The following SPECC1 variants were observed in gnomAD, a reference collection of about 807,000 sequenced individuals.
The protein encoded by SPECC1 is sperm antigen with calponin homology and coiled-coil domains 1, also known as cytospin-B.
In SPECC1, 62 loss-of-function variants were observed where a neutral mutation model predicts 104.1. That is an observed-to-expected ratio of 0.60 (90% confidence interval 0.49 to 0.74). The LOEUF is 0.74. Ranked by LOEUF, SPECC1 falls within the 30% of genes least tolerant of loss-of-function variation. SPECC1 has a pLI of 0.00. For synonymous variants in SPECC1, 513 were observed against 501.6 expected (o/e 1.02, Z -0.30); for missense variants, 1,306 against 1,310.5 (o/e 1.00, Z 0.05).
At chr17:20,228,386 G>C (rs937585137) in intron 5 of SPECC1, among the ~76,000 whole-genome samples, 1 of 152,174 alleles carries the variant, frequency 6.6e-6, no homozygotes, top group Non-Finnish European at 1.5e-5. Context: ...GATGTGTTTT[G>C]TGTGAGCCAT....
intron 12 of SPECC1, among the ~76,000 whole-genome samples, chr17:20,271,579 A>T (rs1002573041): frequency 6.6e-6 from 1 of 152,114 alleles, no homozygotes; most frequent in Non-Finnish European, 1.5e-5. Flanking sequence ...TCTTCATGAG[A>T]TATCCCCACA....
intron 3 of SPECC1, among the ~76,000 whole-genome samples, chr17:20,198,941 A>G (rs1161067587): frequency 1.3e-5 from 2 of 152,044 alleles, no homozygotes; most frequent in South Asian, 2.1e-4. Context: ...AATGTATTCT[A>G]CCTCTGTGAT....
At chr17:20,156,290 G>A in intron 3 of SPECC1, 2 of 1,310,906 alleles carry the variant, frequency 1.5e-6, no homozygotes, top group Non-Finnish European at 2.0e-6. Context: ...CCCCCCTCCA[G>A]GCGCCCTTCC....
intron 12 of SPECC1, among the ~76,000 whole-genome samples, chr17:20,262,385 T>C (rs1160508772): frequency 6.6e-6 from 1 of 152,222 alleles, no homozygotes; most frequent in Non-Finnish European, 1.5e-5. Context: ...AACAGATGAC[T>C]GAAGTAATTG....
chr17:20,238,648 A>G (rs1308034532), intron 7 of SPECC1: 2 of 1,039,942 alleles, frequency 1.9e-6, no homozygotes, highest in African/African-American at 3.4e-5. Flanking sequence ...ATTTACTTAG[A>G]TACTTGTGAA....
chr17:20,219,349 T>C (rs544007466), intron 4 of SPECC1, among the ~76,000 whole-genome samples: 32 of 152,224 alleles, frequency 2.1e-4, no homozygotes, highest in Non-Finnish European at 4.3e-4. Context: ...TCATGACTTT[T>C]GGATAAAAGC....
At chr17:20,197,799 G>A (rs143362155) in intron 3 of SPECC1, among the ~76,000 whole-genome samples, 8 of 152,264 alleles carry the variant, frequency 5.3e-5, no homozygotes, top group African/African-American at 1.9e-4. Flanking sequence ...GGTATTCTAA[G>A]CCCGTGTTTT....
intron 3 of SPECC1, among the ~76,000 whole-genome samples, chr17:20,152,127 C>T (rs2032059157): frequency 6.6e-6 from 1 of 151,774 alleles, no homozygotes; most frequent in Admixed American, 6.6e-5. Context: ...ATGGTGAAAC[C>T]CCATCTCTAC....
intron 3 of SPECC1, among the ~76,000 whole-genome samples, chr17:20,138,528 C>T (rs2030323789): frequency 6.6e-6 from 1 of 152,136 alleles, no homozygotes; most frequent in South Asian, 2.1e-4. Context: ...GCCCGTTCAT[C>T]CCTCCCTCAT....
intron 4 of SPECC1, among the ~76,000 whole-genome samples, chr17:20,216,414 G>A (rs931757541): frequency 6.6e-6 from 1 of 152,196 alleles, no homozygotes; most frequent in Non-Finnish European, 1.5e-5. Context: ...GGAGAGGATG[G>A]CAAGTAGCAT....
chr17:20,155,949 C>G (rs1338689353), intron 3 of SPECC1: 8 of 1,247,648 alleles, frequency 6.4e-6, no homozygotes, highest in Non-Finnish European at 8.0e-6. Context: ...GGTGGTCCGG[C>G]AGGATGCAGA....
rs151024875 is a variant in SPECC1 at position 20,078,100 on chromosome 17, A to G, written c.-21-18531A>G. 4.0e-3 allele frequency among the ~76,000 whole-genome samples: 602 copies of G among 150,662 alleles called. 6 individuals carry two copies. Among genetic ancestry groups the G allele is most frequent in the Non-Finnish European group, 3.9e-3 (259 of 67,260 alleles). On this transcript the variant is annotated intron_variant, in intron 1 of 14. Coordinates refer to ENST00000395527, the MANE Select transcript of SPECC1 (RefSeq NM_001243439.2). ...ATATTACATATATACATAAAAAGAC[A>G]TATGTATTTTTATAGAGTCAAACAT... is the stretch of plus-strand genomic sequence containing the variant.
At chr17:20,011,979 A>G (rs4925066) in intron 1 of SPECC1, among the ~76,000 whole-genome samples, 74,863 of 152,022 alleles carry the variant, frequency 0.49, 18,859 homozygotes, top group Middle Eastern at 0.56. Flanking sequence ...TTACTTCAGC[A>G]ATGATCAATT....
At chr17:20,240,854 A>C (rs1189994567) in intron 7 of SPECC1, among the ~76,000 whole-genome samples, 1 of 152,210 alleles carries the variant, frequency 6.6e-6, no homozygotes, top group Non-Finnish European at 1.5e-5. Context: ...AGACAGTATC[A>C]GTGTTGAACT....
At chr17:20,031,791 A>G (rs917604703) in intron 1 of SPECC1, among the ~76,000 whole-genome samples, 2 of 152,240 alleles carry the variant, frequency 1.3e-5, no homozygotes, top group African/African-American at 2.4e-5. Flanking sequence ...TTCACTTAGC[A>G]TAGTGTTCTC....
chr17:20,269,262 G>T (rs2040318993), intron 12 of SPECC1, among the ~76,000 whole-genome samples: 1 of 152,232 alleles, frequency 6.6e-6, no homozygotes, highest in Non-Finnish European at 1.5e-5. Context: ...TTACAGGAGG[G>T]TTCCCATTGT....
intron 1 of SPECC1, among the ~76,000 whole-genome samples, chr17:20,094,172 G>C (rs1307650425): frequency 6.6e-6 from 1 of 152,186 alleles, no homozygotes; most frequent in Non-Finnish European, 1.5e-5. Context: ...AGTGTGGGCA[G>C]CAGGAGGGGG....
chr17:20,310,170 T>C (rs2041891883), intron 14 of SPECC1, among the ~76,000 whole-genome samples: 1 of 152,320 alleles, frequency 6.6e-6, no homozygotes, highest in African/African-American at 2.4e-5. Flanking sequence ...TTCATGTCTT[T>C]GCTATTGTGA....
chr17:20,222,840 T>C (rs1476842310), intron 4 of SPECC1, among the ~76,000 whole-genome samples: 3 of 152,228 alleles, frequency 2.0e-5, no homozygotes, highest in Non-Finnish European at 4.4e-5. Context: ...GGAAAGTCTC[T>C]ATTTCTCTGT....
Sources: gnomAD v4.1 joint callset for allele counts (sites outside exome capture counted in the v4.1 genomes callset) on GRCh38, gnomAD v4.1.1 for gene constraint, MANE v1.5 for transcripts, NCBI Gene and HGNC (gene_info 2026-07-23, HGNC 2026-07-21) for gene names.